The following EPB41L1 variants were observed in gnomAD, a reference collection of about 807,000 sequenced individuals.
EPB41L1 encodes the protein erythrocyte membrane protein band 4.1 like 1.
In EPB41L1, 29 loss-of-function variants were observed where a neutral mutation model predicts 97.8. The ratio of observed to expected loss-of-function variants is 0.30; its 90% confidence interval spans 0.22 to 0.40. The LOEUF is 0.40. Ranked by LOEUF, EPB41L1 falls within the 10% of genes least tolerant of loss-of-function variation. The pLI is 1.00. For missense variants in EPB41L1, 812 were observed against 1,162.3 expected (o/e 0.70, Z 4.38); for synonymous variants, 383 against 459.2 (o/e 0.83, Z 2.12).
intron 21 of EPB41L1, among the ~76,000 whole-genome samples, chr20:36,225,458 C>A (rs886350395): frequency 6.6e-6 from 1 of 152,170 alleles, no homozygotes; most frequent in Non-Finnish European, 1.5e-5. Context: ...TGGGAATCTT[C>A]ATTTCTGCCT....
At chr20:36,158,595 T>C (rs1342738937) in intron 1 of EPB41L1, among the ~76,000 whole-genome samples, 2 of 152,140 alleles carry the variant, frequency 1.3e-5, no homozygotes, top group Non-Finnish European at 2.9e-5. Flanking sequence ...GAAAGTCACC[T>C]AGTGTTTGGG....
intron 1 of EPB41L1, among the ~76,000 whole-genome samples, chr20:36,160,643 C>T (rs1437434803): frequency 6.6e-6 from 1 of 151,888 alleles, no homozygotes; most frequent in African/African-American, 2.4e-5. Context: ...CCTTAGATCC[C>T]CAAACAAATC....
intron 2 of EPB41L1, among the ~76,000 whole-genome samples, chr20:36,136,195 G>C (rs548407834): frequency 1.3e-5 from 2 of 152,066 alleles, no homozygotes; most frequent in Admixed American, 1.3e-4. Context: ...TTTTGAGGGA[G>C]GGTCTCTCTC....
chr20:36,214,804 G>A (rs2063345550), intron 17 of EPB41L1, among the ~76,000 whole-genome samples: 3 of 151,946 alleles, frequency 2.0e-5, no homozygotes. Flanking sequence ...CTGAAGGTGA[G>A]GCTGGACCCA....
At chr20:36,121,832 T>C in intron 2 of EPB41L1, 1 of 152,496 alleles carries the variant, frequency 6.6e-6, no homozygotes, top group Non-Finnish European at 1.5e-5. Flanking sequence ...TGTAACCTCT[T>C]ATTATTTCCT....
At chr20:36,163,298 T>C (rs1216476841) in intron 1 of EPB41L1, among the ~76,000 whole-genome samples, 1 of 152,160 alleles carries the variant, frequency 6.6e-6, no homozygotes, top group African/African-American at 2.4e-5. Flanking sequence ...AGAGTAATAT[T>C]TCTGGAGCAA....
At chr20:36,148,406 G>GGAAGA (rs1405622084) in intron 2 of EPB41L1, among the ~76,000 whole-genome samples, 3 of 152,178 alleles carry the variant, frequency 2.0e-5, no homozygotes, top group African/African-American at 7.2e-5. Flanking sequence ...ATGGGAAATG[G>GGAAGA]GAAGAGGGTC....
chr20:36,228,186 A>C (rs1391856771), intron 21 of EPB41L1, among the ~76,000 whole-genome samples: 1 of 152,228 alleles, frequency 6.6e-6, no homozygotes, highest in African/African-American at 2.4e-5. Context: ...GCTATGTGCC[A>C]GGCACAGTGT....
chr20:36,096,536 T>A (rs1009637958), intron 1 of EPB41L1, among the ~76,000 whole-genome samples: 3 of 152,184 alleles, frequency 2.0e-5, no homozygotes, highest in Non-Finnish European at 2.9e-5. Context: ...TTGCACATCC[T>A]GTTCCCTTTG....
At chr20:36,118,732 A>G (rs1166925003) in intron 2 of EPB41L1, among the ~76,000 whole-genome samples, 1 of 152,238 alleles carries the variant, frequency 6.6e-6, no homozygotes, top group African/African-American at 2.4e-5. Flanking sequence ...TAGATGCTTA[A>G]TAGATATTTG....
Position 36,206,042 on chromosome 20 carries a change from G to A in EPB41L1, c.1669-3446G>A. 1 of 1,289,878 alleles carries A rather than the reference G, an allele frequency of 7.8e-7. No individual in the cohort carries two copies. The highest frequency in any genetic ancestry group is 1.0e-6 in the Non-Finnish European group (1 of 988,896). The allele number at this position is 1,289,878 out of a possible 1,614,324, so 79.9% of individuals were successfully genotyped here. A position where few individuals can be genotyped will look rare whatever the true frequency, so the allele number is the denominator to read the frequency against. On this transcript the variant is annotated intron_variant, in intron 14 of 21. Coordinates refer to ENST00000338074, the MANE Select transcript of EPB41L1 (RefSeq NM_012156.2). This position sits in a 1 kb window ranked among gnomAD's most constrained non-coding sequence, Gnocchi z 5.5. ...GAAGTGGCCACAGAAGAAATGGTGG[G>A]AAACAGAAGAGCAAACACCCAGCAA...
rs764383528 is a variant in EPB41L1, at chr20:36,182,277, C to A, written c.496C>A (p.Pro166Thr). ...KEIKKQIRSS[P>T]WNFAFTVKFY... ...TCTCTCCCATCTCCTCTCAGGTAGCCCCTGGAATTTTGCCTTCACAGTCAA... is the reference window on the plus strand; with the variant it reads ...TCTCTCCCATCTCCTCTCAGGTAGCACCTGGAATTTTGCCTTCACAGTCAA... The change falls in exon 6 of 22, where the codon CCC becomes ACC. Residue 166 changes from proline (P) to threonine (T), a missense_variant. By Grantham distance (38) the Pro-to-Thr change is conservative. Coordinates refer to ENST00000338074, the MANE Select transcript of EPB41L1 (RefSeq NM_012156.2). The A allele has an allele frequency of 1.5e-5, 25 of 1,613,896 alleles. No individual in the cohort carries two copies. Among genetic ancestry groups the A allele is most frequent in the Non-Finnish European group, 2.0e-5 (24 of 1,179,900 alleles).
At chr20:36,097,271 A>G (rs1239100706) in intron 1 of EPB41L1, among the ~76,000 whole-genome samples, 4 of 152,208 alleles carry the variant, frequency 2.6e-5, no homozygotes, top group African/African-American at 9.7e-5. Context: ...GGTTACTAGC[A>G]CTGGCTCTAC....
intron 2 of EPB41L1, among the ~76,000 whole-genome samples, chr20:36,132,142 A>T (rs2059235192): frequency 6.6e-6 from 1 of 152,152 alleles, no homozygotes; most frequent in Non-Finnish European, 1.5e-5. Flanking sequence ...TCAGTTTCCT[A>T]ATGCTGCCCT....
At position 36,135,126 on chromosome 20, in the gene EPB41L1, G is replaced by A. The variant is rs186076008; in HGVS notation, c.-10+22646G>A. On this transcript the variant is annotated intron_variant, in intron 2 of 19. Transcript: ENST00000202028. ...GACCCGACCACCTCGGCCTCCCAAA[G>A]TGCTGGGATTACAGGCGTGAGCCAC... 3.3e-5 allele frequency among the ~76,000 whole-genome samples: 5 copies of A among 152,216 alleles called. No individual in the cohort carries two copies. In the South Asian group the frequency reaches 6.2e-4, roughly 19 times the overall value.
At position 36,184,801 on chromosome 20, in the gene EPB41L1, T is replaced by C. The variant is rs560364335; in HGVS notation, c.567-316T>C. 2.6e-5 allele frequency among the ~76,000 whole-genome samples: 4 copies of C among 152,378 alleles called. No individual in the cohort carries two copies. The East Asian group carries it at 7.7e-4, about 29-fold the overall frequency. On this transcript the variant is annotated intron_variant, in intron 6 of 21. Coordinates refer to ENST00000338074, the MANE Select transcript of EPB41L1 (RefSeq NM_012156.2). ...AGTATATTACTTGTATAATTAAAAC[T>C]ATACGACATTTTGTAATGGACAAAC... is the stretch of plus-strand genomic sequence containing the variant.
intron 1 of EPB41L1, among the ~76,000 whole-genome samples, chr20:36,108,194 G>A (rs1163323683): frequency 1.3e-5 from 2 of 151,824 alleles, no homozygotes; most frequent in African/African-American, 4.8e-5. Context: ...TGGCCAGGCT[G>A]GTCTTGAACT....
chr20:36,221,833 A>G, intron 19 of EPB41L1, 31 bp from the exon 20 acceptor site: 2 of 1,610,290 alleles, frequency 1.2e-6, no homozygotes, highest in Non-Finnish European at 1.7e-6. Flanking sequence ...ACAGGACCCA[A>G]GAGTGACCTC....
chr20:36,198,081 A>G (rs1198935745), intron 14 of EPB41L1, 40 bp downstream of exon 14: 2 of 1,580,406 alleles, frequency 1.3e-6, no homozygotes, highest in Non-Finnish European at 1.7e-6. Context: ...GGCCTTGGGT[A>G]AAGAGACATT....
Sources: gnomAD v4.1 joint callset for allele counts (sites outside exome capture counted in the v4.1 genomes callset) on GRCh38, gnomAD v4.1.1 for gene constraint, Gnocchi (gnomAD v3.1) non-coding constraint, MANE v1.5 for transcripts, NCBI Gene and HGNC (gene_info 2026-07-23, HGNC 2026-07-21) for gene names.